MLLT3: variants seen among roughly 807,000 people sequenced by gnomAD.
MLLT3 encodes protein AF-9.
A neutral mutation model predicts 53.2 loss-of-function variants in MLLT3; 4 were observed. That is an observed-to-expected ratio of 0.08 (90% CI 0.04 to 0.17). MLLT3 has a LOEUF of 0.17. Ranked by LOEUF, MLLT3 falls within the 10% of genes least tolerant of loss-of-function variation. The probability of loss-of-function intolerance (pLI) is 1.00; values close to 1 mark genes in which losing one functional copy is unlikely to be tolerated. For synonymous variants in MLLT3, 283 were observed against 230.6 expected, an observed-to-expected ratio of 1.23 and a Z score of -2.06; for missense variants, 569 against 684.0, an observed-to-expected ratio of 0.83 and a Z score of 1.87.
chr9:20,498,227 CAAAAAAAAAAAAAAAAAAAA>C (rs529049653), intron 2 of MLLT3, among the ~76,000 whole-genome samples: 41 of 32,514 alleles, frequency 1.3e-3, no homozygotes, highest in Admixed American at 3.3e-3. Context: ...GACGCTGTCT[CAAAAAAAAAAAAAAAAAAAA>C]AAAAAAAAAA....
chr9:20,492,233 A>G (rs1431255137), intron 2 of MLLT3, among the ~76,000 whole-genome samples: 2 of 151,968 alleles, frequency 1.3e-5, no homozygotes, highest in Non-Finnish European at 2.9e-5. Flanking sequence ...GCATATATCT[A>G]TTTAGATTTT....
intron 5 of MLLT3, among the ~76,000 whole-genome samples, chr9:20,399,234 G>A (rs1030588717): frequency 2.0e-5 from 3 of 152,096 alleles, no homozygotes; most frequent in East Asian, 1.9e-4. Flanking sequence ...TCCATCTCCA[G>A]ATTACACAGA....
Position 20,559,244 on chromosome 9 carries a change from A to G in MLLT3, c.193+61410T>C, listed in dbSNP as rs1005046848. On this transcript the variant is annotated intron_variant, in intron 2 of 10. Transcript: ENST00000380338. The stretch of plus-strand genomic sequence containing the variant: ...AGTATTTTGGAATATTTGTGTTCCT[A>G]AAGAGAGCAAAGGATACTCCTTTGC... Among the ~76,000 whole-genome samples the G allele has an allele frequency of 8.5e-5, 13 of 152,350 alleles. No individual in the cohort carries two copies. The East Asian group carries it at 2.1e-3, about 25-fold the overall frequency.
chr9:20,529,724 CTTTTTTTT>C (rs5896896), intron 2 of MLLT3, among the ~76,000 whole-genome samples: 1 of 76,410 alleles, frequency 1.3e-5, no homozygotes. Flanking sequence ...TAATCCAATC[CTTTTTTTT>C]TTTTTTTTTT....
At chr9:20,561,821 C>T (rs991535104) in intron 2 of MLLT3, among the ~76,000 whole-genome samples, 4 of 152,120 alleles carry the variant, frequency 2.6e-5, no homozygotes, top group African/African-American at 9.7e-5. Context: ...AATAAGAACC[C>T]TCTGTAGGCT....
At chr9:20,387,332 G>A (rs1822063941) in intron 5 of MLLT3, among the ~76,000 whole-genome samples, 1 of 152,198 alleles carries the variant, frequency 6.6e-6, no homozygotes, top group East Asian at 1.9e-4. Flanking sequence ...CCTGCTCCAT[G>A]GGTACTTAGT....
At chr9:20,417,848 G>A (rs907306711) in intron 4 of MLLT3, among the ~76,000 whole-genome samples, 6 of 152,060 alleles carry the variant, frequency 3.9e-5, no homozygotes, top group African/African-American at 1.4e-4. Context: ...AGAACTACTG[G>A]CCAGAATAAG....
chr9:20,598,403 A>T (rs940751762), intron 2 of MLLT3, among the ~76,000 whole-genome samples: 1 of 152,224 alleles, frequency 6.6e-6, no homozygotes, highest in African/African-American at 2.4e-5. Flanking sequence ...AGGGCAGAGA[A>T]GCCATATGTC....
At chr9:20,401,651 G>A (rs1407137344) in intron 5 of MLLT3, among the ~76,000 whole-genome samples, 1 of 152,074 alleles carries the variant, frequency 6.6e-6, no homozygotes, top group Non-Finnish European at 1.5e-5. Context: ...AGACAAAATG[G>A]TACCTACCAG....
intron 2 of MLLT3, chr9:20,533,158 G>A (rs527745184): frequency 5.7e-5 from 16 of 280,726 alleles, no homozygotes; most frequent in South Asian, 5.5e-4. Flanking sequence ...CTGCACCACC[G>A]TCACCTTTAC....
chr9:20,383,600 G>A (rs538348157), intron 5 of MLLT3, among the ~76,000 whole-genome samples: 193 of 151,806 alleles, frequency 1.3e-3, no homozygotes, highest in Non-Finnish European at 2.3e-3. Flanking sequence ...ACAGAACACT[G>A]AATAAATGAT....
At chr9:20,558,267 T>C (rs898261959) in intron 2 of MLLT3, among the ~76,000 whole-genome samples, 25 of 152,182 alleles carry the variant, frequency 1.6e-4, no homozygotes, top group African/African-American at 5.8e-4. Flanking sequence ...CGCAGCCCCA[T>C]ATTTGGCCTT....
chr9:20,469,855 C>G (rs1406788360), intron 2 of MLLT3, among the ~76,000 whole-genome samples: 1 of 151,986 alleles, frequency 6.6e-6, no homozygotes, highest in African/African-American at 2.4e-5. Context: ...GGGAACCATT[C>G]CTATTTTGAA....
chr9:20,376,327 T>C (rs572890803), intron 5 of MLLT3, among the ~76,000 whole-genome samples: 1 of 152,334 alleles, frequency 6.6e-6, no homozygotes, highest in Non-Finnish European at 1.5e-5. Flanking sequence ...TGAGTTCTTA[T>C]GTTATCAAAA....
chr9:20,487,467 G>GA (rs142989163), intron 2 of MLLT3, among the ~76,000 whole-genome samples: 10,899 of 152,142 alleles, frequency 0.072, 644 homozygotes, highest in African/African-American at 0.16. Flanking sequence ...ACTCGTAAGA[G>GA]AAAAAACCTA....
intron 4 of MLLT3, among the ~76,000 whole-genome samples, chr9:20,437,139 T>C (rs1303543693): frequency 6.6e-6 from 1 of 152,078 alleles, no homozygotes; most frequent in Non-Finnish European, 1.5e-5. Flanking sequence ...TCAAGATCAG[T>C]ATGCAGAAAA....
intron 5 of MLLT3, among the ~76,000 whole-genome samples, chr9:20,403,813 A>G (rs2118751602): frequency 6.6e-6 from 1 of 152,226 alleles, no homozygotes; most frequent in Admixed American, 6.5e-5. Context: ...TTGATCAGAT[A>G]CTAAACTTTT....
At chr9:20,546,699 G>C (rs1056253017) in intron 2 of MLLT3, among the ~76,000 whole-genome samples, 2 of 152,224 alleles carry the variant, frequency 1.3e-5, no homozygotes, top group Non-Finnish European at 2.9e-5. Context: ...TCCAGGAGAG[G>C]CCAACCCGGA....
intron 2 of MLLT3, among the ~76,000 whole-genome samples, chr9:20,489,749 C>T (rs960602518): frequency 6.6e-6 from 1 of 152,098 alleles, no homozygotes; most frequent in Non-Finnish European, 1.5e-5. Context: ...GTAAGTCTGT[C>T]GTAGCAGCTT....
Sources: gnomAD v4.1 joint callset for allele counts (sites outside exome capture counted in the v4.1 genomes callset) on GRCh38, gnomAD v4.1.1 for gene constraint, MANE v1.5 for transcripts, NCBI Gene and HGNC (gene_info 2026-07-23, HGNC 2026-07-21) for gene names.